SLC9C1: variants seen among roughly 807,000 people sequenced by gnomAD.
SLC9C1 encodes solute carrier family 9 member C1.
Under a neutral mutation model 140.9 loss-of-function variants are expected in SLC9C1, and 97 were observed. The ratio of observed to expected loss-of-function variants is 0.69; its 90% confidence interval spans 0.58 to 0.82. SLC9C1 has a LOEUF of 0.82. Ranked by LOEUF, SLC9C1 falls within the 40% of genes least tolerant of loss-of-function variation. The pLI is 0.00. For synonymous variants in SLC9C1, 440 were observed against 442.6 expected, an observed-to-expected ratio of 0.99 and a Z score of 0.07; for missense variants, 1,340 against 1,389.3, an observed-to-expected ratio of 0.96 and a Z score of 0.56.
intron 13 of SLC9C1, among the ~76,000 whole-genome samples, chr3:112,230,552 A>C (rs2108166411): frequency 6.6e-6 from 1 of 152,284 alleles, no homozygotes; most frequent in Middle Eastern, 3.4e-3. Flanking sequence ...ATGTCCTTAA[A>C]ATAGTTGCCT....
chr3:112,211,619 A>C (rs1427395023), intron 15 of SLC9C1, among the ~76,000 whole-genome samples: 1 of 152,250 alleles, frequency 6.6e-6, no homozygotes, highest in East Asian at 1.9e-4. Context: ...CTAGCACAGC[A>C]GTCTGAGATC....
chr3:112,280,936 A>G (rs891182248), intron 2 of SLC9C1, among the ~76,000 whole-genome samples, 153 bp from the exon 3 acceptor site: 22 of 152,210 alleles, frequency 1.4e-4, no homozygotes, highest in African/African-American at 5.3e-4. Flanking sequence ...AGCACACAGA[A>G]TCAGTGTAAC....
chr3:112,193,964 G>A (rs935882620), intron 20 of SLC9C1, among the ~76,000 whole-genome samples: 7 of 152,108 alleles, frequency 4.6e-5, no homozygotes, highest in Admixed American at 4.6e-4. Flanking sequence ...TGTGGGCTTG[G>A]TGGAATGAAG....
chr3:112,205,690 A>T (rs1180936712), intron 16 of SLC9C1, among the ~76,000 whole-genome samples: 1 of 119,642 alleles, frequency 8.4e-6, no homozygotes, highest in Non-Finnish European at 1.8e-5. Context: ...GACCTCAGAA[A>T]TAATGCTGCA....
At chr3:112,274,672 T>C (rs2080166334) in intron 6 of SLC9C1, among the ~76,000 whole-genome samples, 1 of 152,122 alleles carries the variant, frequency 6.6e-6, no homozygotes, top group South Asian at 2.1e-4. Context: ...GAAATGTTGC[T>C]CCCATAAGCA....
chr3:112,242,761 A>C (rs570057137), intron 11 of SLC9C1, among the ~76,000 whole-genome samples: 2 of 152,328 alleles, frequency 1.3e-5, no homozygotes, highest in African/African-American at 4.8e-5. Context: ...TACACATTCT[A>C]TACCCGTATC....
At chr3:112,152,844 G>A (rs541549011) in intron 27 of SLC9C1, among the ~76,000 whole-genome samples, 18 of 152,314 alleles carry the variant, frequency 1.2e-4, no homozygotes, top group African/African-American at 3.4e-4. Flanking sequence ...AATACAGCAC[G>A]TGTTTTTGCA....
intron 15 of SLC9C1, among the ~76,000 whole-genome samples, chr3:112,215,801 A>G (rs865907592): frequency 1.3e-5 from 2 of 152,226 alleles, no homozygotes; most frequent in East Asian, 1.9e-4. Flanking sequence ...TATAGATTCA[A>G]TACTATCCCC....
intron 10 of SLC9C1, among the ~76,000 whole-genome samples, 183 bp downstream of exon 10, chr3:112,262,741 A>T (rs1195259931): frequency 6.6e-6 from 1 of 151,660 alleles, no homozygotes; most frequent in Non-Finnish European, 1.5e-5. Context: ...TTTGTAATAA[A>T]CCTATTTCAG....
At chr3:112,235,247 G>C (rs1193538449) in intron 12 of SLC9C1, among the ~76,000 whole-genome samples, 2 of 107,982 alleles carry the variant, frequency 1.9e-5, no homozygotes, top group Non-Finnish European at 4.0e-5. Flanking sequence ...TTGTGAATGG[G>C]AGTTCACTCA....
intron 20 of SLC9C1, among the ~76,000 whole-genome samples, chr3:112,185,101 AG>A (rs1560040947): frequency 6.6e-6 from 1 of 152,112 alleles, no homozygotes; most frequent in Non-Finnish European, 1.5e-5. Context: ...GCAGTTCCCC[AG>A]GGAATTTCTT....
At chr3:112,195,523 A>T (rs1386283698) in intron 20 of SLC9C1, among the ~76,000 whole-genome samples, 1 of 152,024 alleles carries the variant, frequency 6.6e-6, no homozygotes, top group African/African-American at 2.4e-5. Flanking sequence ...AAATATCTGT[A>T]GCTTTGTTGT....
In SLC9C1 at chr3:112,180,624, A is replaced by G; in HGVS notation, c.2688T>C (p.Asp896=). The change falls in exon 22 of 29, where the codon GAT becomes GAC. Residue 896 remains aspartate, a synonymous_variant. Transcript: ENST00000305815. The part of the protein sequence containing the change: ...AKVVTFDCGN[D]IFEEGDEPKG... ...TGGGCTCATCACCTTCTTCAAATAT[A>G]TCATTTCCACAATCAAATGTTACAA... 2 of 1,613,598 alleles carry G rather than the reference A, an allele frequency of 1.2e-6. No individual in the cohort carries two copies. Among genetic ancestry groups the G allele is most frequent in the Non-Finnish European group, 1.7e-6 (2 of 1,179,784 alleles).
At chr3:112,287,008 T>A (rs2080528272) in intron 1 of SLC9C1, 130 bp from the exon 2 acceptor site, 3 of 432,162 alleles carry the variant, frequency 6.9e-6, no homozygotes, top group Non-Finnish European at 1.2e-5. Flanking sequence ...TGCCTCTCCC[T>A]TCTATGATGC....
chr3:112,217,875 G>T (rs1025958861), intron 14 of SLC9C1, among the ~76,000 whole-genome samples: 12 of 152,170 alleles, frequency 7.9e-5, no homozygotes, highest in African/African-American at 2.7e-4. Flanking sequence ...TTTCATGTTA[G>T]ATTCCCCATT....
chr3:112,220,898 C>T (rs1576375116), intron 14 of SLC9C1, among the ~76,000 whole-genome samples: 1 of 152,112 alleles, frequency 6.6e-6, no homozygotes, highest in East Asian at 1.9e-4. Flanking sequence ...GAAGGAACAG[C>T]TTGTTCAAAA....
In SLC9C1 at chr3:112,274,907, G is replaced by T. The variant is rs1340993749; in HGVS notation, c.603C>A (p.Asn201Lys). ...DFDQRLQSKR[N>K]HTLAEEIVGG... ...TAAAAATATACTTACCTAAGGTATG[G>T]TTTCTTTTACTTTGTAGTCTTTGGT... Residue 201 changes from asparagine to lysine, a missense_variant, in exon 6 of 29, where the codon AAC (asparagine) becomes AAA (lysine). Asn to Lys is a moderately conservative substitution (Grantham distance 94, BLOSUM62 0). Transcript: ENST00000305815. 2.6e-6 allele frequency: 4 copies of T among 1,549,536 alleles called. No individual in the cohort carries two copies. The South Asian group carries it at 3.8e-5, about 15-fold the overall frequency.
intron 27 of SLC9C1, among the ~76,000 whole-genome samples, chr3:112,152,339 C>A (rs2075009071): frequency 6.6e-6 from 1 of 151,782 alleles, no homozygotes; most frequent in Non-Finnish European, 1.5e-5. Flanking sequence ...TGCATGTAGG[C>A]CAGATTTATG....
chr3:112,191,082 C>T (rs2077651761), intron 20 of SLC9C1, among the ~76,000 whole-genome samples: 1 of 151,980 alleles, frequency 6.6e-6, no homozygotes, highest in Non-Finnish European at 1.5e-5. Context: ...TACAACTTTA[C>T]TAAATTCAAT....
Sources: gnomAD v4.1 joint callset for allele counts (sites outside exome capture counted in the v4.1 genomes callset) on GRCh38, gnomAD v4.1.1 for gene constraint, MANE v1.5 for transcripts, NCBI Gene and HGNC (gene_info 2026-07-23, HGNC 2026-07-21) for gene names.